The following SGCZ variants were observed in gnomAD, a reference collection of about 807,000 sequenced individuals.
The protein encoded by SGCZ is zeta-sarcoglycan.
Under a neutral mutation model 41.3 loss-of-function variants are expected in SGCZ, and 40 were observed. That is an observed-to-expected ratio of 0.97 (90% CI 0.75 to 1.26). The LOEUF is 1.26. Ranked by LOEUF, SGCZ falls within the 50% of genes most tolerant of loss-of-function variation. The pLI is 0.00. For missense variants in SGCZ, 552 were observed against 369.8 expected, an observed-to-expected ratio of 1.49 and a Z score of -4.04; for synonymous variants, 206 against 137.5, an observed-to-expected ratio of 1.50 and a Z score of -3.49.
At chr8:14,339,116 G>A (rs1208817526) in intron 2 of SGCZ, among the ~76,000 whole-genome samples, 1 of 152,032 alleles carries the variant, frequency 6.6e-6, no homozygotes, top group Non-Finnish European at 1.5e-5. Context: ...TCTCCAGAGT[G>A]TTCTATTAAA....
chr8:14,566,891 G>A (rs938549705), intron 1 of SGCZ, among the ~76,000 whole-genome samples: 5 of 152,158 alleles, frequency 3.3e-5, no homozygotes, highest in African/African-American at 1.2e-4. Context: ...CAGGTGGGCG[G>A]CTGTGGGCTC....
intron 2 of SGCZ, among the ~76,000 whole-genome samples, chr8:14,376,590 T>C (rs1804139954): frequency 6.6e-6 from 1 of 151,978 alleles, no homozygotes; most frequent in African/African-American, 2.4e-5. Flanking sequence ...CTACCCAACC[T>C]TCAAAAAAGA....
chr8:14,336,191 T>C (rs34450162), intron 2 of SGCZ, among the ~76,000 whole-genome samples: 30,176 of 152,152 alleles, frequency 0.2, 3,765 homozygotes, highest in Non-Finnish European at 0.29. Context: ...TCTGTGTTAA[T>C]TTGCTAAGGA....
chr8:15,213,837 A>G (rs1391083366), intron 1 of SGCZ, among the ~76,000 whole-genome samples: 2 of 152,098 alleles, frequency 1.3e-5, no homozygotes, highest in East Asian at 3.9e-4. Flanking sequence ...GGAGGAGAAT[A>G]TGTTCTAATT....
chr8:14,197,946 G>C (rs999219261), intron 4 of SGCZ, among the ~76,000 whole-genome samples: 2 of 152,046 alleles, frequency 1.3e-5, no homozygotes, highest in Non-Finnish European at 2.9e-5. Context: ...TGTTATTTTA[G>C]CAAGTTTGCA....
intron 1 of SGCZ, among the ~76,000 whole-genome samples, chr8:14,872,739 T>A (rs1002343660): frequency 2.0e-5 from 3 of 152,152 alleles, no homozygotes; most frequent in Admixed American, 2.0e-4. Flanking sequence ...GACAAAATAG[T>A]GATAACTATG....
intron 1 of SGCZ, among the ~76,000 whole-genome samples, chr8:14,971,372 G>A (rs983536053): frequency 2.6e-5 from 4 of 152,116 alleles, no homozygotes; most frequent in South Asian, 4.1e-4. Flanking sequence ...AAAGCATTAC[G>A]TCTTTCATCT....
chr8:14,464,123 T>C (rs1280874375), intron 2 of SGCZ, among the ~76,000 whole-genome samples: 1 of 151,708 alleles, frequency 6.6e-6, no homozygotes, highest in African/African-American at 2.4e-5. Context: ...GGGTAATGCT[T>C]ACCACATAGG....
At chr8:14,138,444 T>A (rs1585169511) in intron 5 of SGCZ, among the ~76,000 whole-genome samples, 1 of 150,312 alleles carries the variant, frequency 6.7e-6, no homozygotes, top group African/African-American at 2.5e-5. Context: ...GAGATCCATC[T>A]CACGTGCAGA....
At chr8:14,907,388 A>G (rs751510881) in intron 1 of SGCZ, among the ~76,000 whole-genome samples, 1 of 151,974 alleles carries the variant, frequency 6.6e-6, no homozygotes, top group Non-Finnish European at 1.5e-5. Flanking sequence ...ATGTCTCACT[A>G]TCTTGCCGAG....
intron 1 of SGCZ, among the ~76,000 whole-genome samples, chr8:14,935,764 C>G (rs1006501790): frequency 6.6e-6 from 1 of 151,580 alleles, no homozygotes; most frequent in African/African-American, 2.4e-5. Flanking sequence ...TATAAATTAA[C>G]TGAAATTTCC....
chr8:14,446,932 CTA>C (rs547432390), intron 2 of SGCZ, among the ~76,000 whole-genome samples: 110 of 152,236 alleles, frequency 7.2e-4, no homozygotes, highest in South Asian at 2.7e-3. Flanking sequence ...TAATTCAACA[CTA>C]GTTTCAATAT....
intron 1 of SGCZ, among the ~76,000 whole-genome samples, chr8:15,068,084 T>C (rs1011035541): frequency 6.6e-6 from 1 of 152,216 alleles, no homozygotes; most frequent in Non-Finnish European, 1.5e-5. Flanking sequence ...CCGTAAAAGA[T>C]GCCACTAGAG....
At chr8:15,190,391 A>G (rs998894486) in intron 1 of SGCZ, among the ~76,000 whole-genome samples, 1 of 151,736 alleles carries the variant, frequency 6.6e-6, no homozygotes, top group African/African-American at 2.4e-5. Flanking sequence ...TGCACCTACC[A>G]TGCAATAGGC....
intron 1 of SGCZ, among the ~76,000 whole-genome samples, chr8:14,769,248 A>C (rs1800147977): frequency 6.6e-6 from 1 of 152,122 alleles, no homozygotes; most frequent in Non-Finnish European, 1.5e-5. Context: ...AATAATAATG[A>C]ATGTTCCTGT....
intron 1 of SGCZ, among the ~76,000 whole-genome samples, chr8:14,923,282 A>T (rs1189694161): frequency 6.6e-6 from 1 of 152,248 alleles, no homozygotes; most frequent in South Asian, 2.1e-4. Flanking sequence ...GCTATTATCT[A>T]TTTCAATATT....
intron 2 of SGCZ, among the ~76,000 whole-genome samples, chr8:14,500,055 G>A (rs1585598830): frequency 6.6e-6 from 1 of 152,022 alleles, no homozygotes; most frequent in East Asian, 1.9e-4. Flanking sequence ...AACCTTTAGA[G>A]CACCCATTAA....
intron 1 of SGCZ, among the ~76,000 whole-genome samples, chr8:14,950,306 G>GT (rs1400172682): frequency 7.9e-5 from 12 of 151,908 alleles, no homozygotes; most frequent in Non-Finnish European, 1.8e-4. Flanking sequence ...CATGTATAAT[G>GT]TTTTATGTAT....
intron 1 of SGCZ, among the ~76,000 whole-genome samples, chr8:15,228,480 A>G (rs919997706): frequency 1.3e-5 from 2 of 152,212 alleles, no homozygotes; most frequent in Non-Finnish European, 2.9e-5. Context: ...GCTGCCTAGA[A>G]CAAGCACCTG....
Sources: allele counts gnomAD v4.1 joint callset (sites outside exome capture counted in the v4.1 genomes callset), GRCh38; gene constraint gnomAD v4.1.1; transcripts MANE v1.5; gene names NCBI Gene and HGNC (gene_info 2026-07-23, HGNC 2026-07-21).